FAT2: variants seen among roughly 807,000 people sequenced by gnomAD.
The protein encoded by FAT2 is FAT atypical cadherin 2, also known as protocadherin Fat 2.
Under a neutral mutation model 295.3 loss-of-function variants are expected in FAT2, and 150 were observed. The ratio of observed to expected loss-of-function variants is 0.51; its 90% confidence interval spans 0.44 to 0.58. The LOEUF is 0.58. Ranked by LOEUF, FAT2 falls within the 20% of genes least tolerant of loss-of-function variation. FAT2 has a pLI of 0.00. For missense variants in FAT2, 4,868 were observed against 5,442.7 expected (o/e 0.89, Z 3.32); for synonymous variants, 2,026 against 2,150.3 (o/e 0.94, Z 1.60).
chr5:151,544,977 C>G lies in FAT2; in HGVS notation c.6150G>C (p.Arg2050=). The G allele has an allele frequency of 3.7e-6, 6 of 1,614,106 alleles. No homozygotes were observed. Among genetic ancestry groups the G allele is most frequent in the Non-Finnish European group, 5.1e-6 (6 of 1,179,978 alleles). The change falls in exon 10 of 24, where the codon CGG becomes CGC. Residue 2050 remains arginine, a synonymous_variant. Transcript: ENST00000261800. The part of the protein sequence containing the change: ...VEVRDNRTPQ[R]VAQGLVRVSI... ...AGACTCTGACCAAACCCTGAGCCAC[C>G]CGCTGAGGTGTCCGATTGTCCCTCA...
intron 17 of FAT2, 71 bp from the exon 18 acceptor site, chr5:151,526,036 G>A (rs1753948900): frequency 7.5e-6 from 11 of 1,462,450 alleles, no homozygotes; most frequent in African/African-American, 1.4e-5. Flanking sequence ...ACGTGTCTGG[G>A]TATGTCATCT....
intron 3 of FAT2, among the ~76,000 whole-genome samples, chr5:151,562,365 A>G (rs1758054119): frequency 6.6e-6 from 1 of 152,158 alleles, no homozygotes; most frequent in African/African-American, 2.4e-5. Context: ...CTTCTCTACA[A>G]TAGGATTGTT....
Position 151,512,354 on chromosome 5 carries a change from A to G in FAT2, c.11716T>C (p.Ser3906Pro). The change falls in exon 21 of 24, where the codon TCC (serine) becomes CCC (proline). Residue 3906 changes from serine to proline, a missense_variant. Coordinates refer to ENST00000261800, the MANE Select transcript of FAT2 (RefSeq NM_001447.3). The surrounding 1 kb of genome is among the most constrained non-coding windows in gnomAD (Gnocchi z 4.1). ...TCCAGGCAGCCTTCAAAGCCCTGGG[A>G]GACATTCGAGGAAGAATGCAACAGA... ...LILLHSSSNV[S>P]QGFEGCLDAV... 1 of 1,614,230 alleles carries G rather than the reference A, an allele frequency of 6.2e-7. No individual in the cohort carries two copies. The highest frequency in any genetic ancestry group is 8.5e-7 in the Non-Finnish European group (1 of 1,180,038).
intron 4 of FAT2, among the ~76,000 whole-genome samples, chr5:151,555,858 G>A (rs3846714): frequency 0.093 from 14,078 of 152,184 alleles, 899 homozygotes; most frequent in African/African-American, 0.18. Context: ...CTTCTCTTCT[G>A]ATTTCATTCC....
rs777442528 is a variant in FAT2, at chr5:151,546,233, C to A, written c.4894G>T (p.Ala1632Ser). The change falls in exon 10 of 24, where the codon GCA becomes TCA. Residue 1632 changes from alanine (A) to serine (S), a missense_variant. Physicochemically the swap from Ala to Ser is moderately conservative, Grantham distance 99 (BLOSUM62 1). Transcript: ENST00000261800. ...CATTGTGGGGAGCCTTGATCTTCTG[C>A]CTTCACTGTCAGAGTATGTGGGGCA... ...NHAPHTLTVK[A>S]EDQGSPQWHD... is the part of the protein sequence containing the mutation. The A allele has an allele frequency of 1.2e-6, 2 of 1,614,126 alleles. No homozygotes were observed. Among genetic ancestry groups the A allele is most frequent in the Non-Finnish European group, 8.5e-7 (1 of 1,180,018 alleles).
In FAT2 at chr5:151,512,089, C is replaced by T; in HGVS notation, c.11905+76G>A. On this transcript the variant is annotated intron_variant, in intron 21 of 23. Coordinates refer to ENST00000261800, the MANE Select transcript of FAT2 (RefSeq NM_001447.3). The surrounding 1 kb of genome is among the most constrained non-coding windows in gnomAD (Gnocchi z 4.1). ...TGGAACCAGGAGGCTCTGAGATCTC[C>T]ACCCTGACATGCTTTTCCCACCTGA... is the stretch of plus-strand genomic sequence containing the variant. 6 of 1,415,590 alleles carry T rather than the reference C, an allele frequency of 4.2e-6. No homozygotes were observed. The highest frequency in any genetic ancestry group is 5.8e-6 in the Non-Finnish European group (6 of 1,036,618). 87.7% of individuals were successfully genotyped at this position (1,415,590 alleles called of 1,614,324 possible).
intron 13 of FAT2, among the ~76,000 whole-genome samples, chr5:151,532,417 A>G (rs1347430478): frequency 7.0e-6 from 1 of 143,082 alleles, no homozygotes; most frequent in Non-Finnish European, 1.5e-5. Context: ...ACACACACAC[A>G]CGCAAATGAG....
chr5:151,555,800 G>C (rs1757641944), intron 4 of FAT2, among the ~76,000 whole-genome samples: 1 of 152,186 alleles, frequency 6.6e-6, no homozygotes, highest in Non-Finnish European at 1.5e-5. Context: ...GAGATCATCA[G>C]TGAAGGACAG....
chr5:151,545,535 A>G lies in FAT2; in HGVS notation c.5592T>C (p.Asp1864=). ...RPAQVIIHVR[D]VNDSPPRFSE... is the part of the protein sequence containing the mutation. ...AGAATCTGGGAGGGGAATCATTCAC[A>G]TCTCTGACATGAATGATGACTTGGG... The change falls in exon 10 of 24, where the codon GAT becomes GAC. Residue 1864 remains aspartate (D), a synonymous_variant. Transcript: ENST00000261800. 1 of 1,614,126 alleles carries G rather than the reference A, an allele frequency of 6.2e-7. No individual in the cohort carries two copies. The highest frequency in any genetic ancestry group is 1.6e-4 in the Middle Eastern group (1 of 6,062).
intron 12 of FAT2, among the ~76,000 whole-genome samples, chr5:151,537,348 GAAA>G (rs751635122): frequency 2.2e-3 from 110 of 50,568 alleles, no homozygotes; most frequent in Non-Finnish European, 4.0e-3. Flanking sequence ...GAAAAGAAAA[GAAA>G]AAAGAAGGAA....
intron 21 of FAT2, 127 bp from the exon 22 acceptor site, chr5:151,510,301 G>C (rs1761221500): frequency 2.7e-6 from 3 of 1,125,910 alleles, no homozygotes; most frequent in African/African-American, 1.5e-5. Flanking sequence ...GCTCCCCTCT[G>C]TGCCCAATAC....
intron 6 of FAT2, among the ~76,000 whole-genome samples, chr5:151,552,843 A>G (rs1757340843): frequency 6.6e-6 from 1 of 152,208 alleles, no homozygotes; most frequent in Non-Finnish European, 1.5e-5. Context: ...TGATTTTCAC[A>G]TTGAGGTAGG....
At position 151,544,247 on chromosome 5, in the gene FAT2, G is replaced by A. The variant is rs769194273; in HGVS notation, c.6880C>T (p.Leu2294=). Residue 2294 remains leucine, a synonymous_variant, in exon 10 of 24, where the codon CTG becomes TTG. Coordinates refer to ENST00000261800, the MANE Select transcript of FAT2 (RefSeq NM_001447.3). The part of the protein sequence containing the change: ...GLPAQTPVIQ[L]LASDQDSGRN... The stretch of plus-strand genomic sequence containing the variant: ...CCTGAGTCCTGGTCAGAAGCCAACA[G>A]TTGGATCACAGGGGTCTGAGCAGGC... 7 of 1,614,198 alleles carry A rather than the reference G, an allele frequency of 4.3e-6. No homozygotes were observed. The highest frequency in any genetic ancestry group is 5.9e-6 in the Non-Finnish European group (7 of 1,180,034).
At chr5:151,540,889 A>ATG in intron 10 of FAT2, 126 bp from the exon 11 acceptor site, 7 of 831,326 alleles carry the variant, frequency 8.4e-6, no homozygotes, top group South Asian at 3.8e-5. Context: ...TCCTTCCTTA[A>ATG]CTAGGAACCC....
intron 14 of FAT2, 110 bp from the exon 15 acceptor site, chr5:151,529,502 G>A (rs1253532763): frequency 2.4e-6 from 2 of 828,460 alleles, no homozygotes; most frequent in African/African-American, 3.4e-5. Flanking sequence ...GGCTAGGCAA[G>A]GTAAGTGTCC....
rs138599681 is a variant in FAT2, at chr5:151,565,989, G to A, written c.2943C>T (p.Leu981=). ...TFRVDLMTGA[L]ILERELDFER... Reference sequence around the variant, plus strand: ...CAAAGTCCAGCTCTCTCTCCAGAATGAGCGCCCCTGTCATCAGGTCCACCC... The same window carrying A: ...CAAAGTCCAGCTCTCTCTCCAGAATAAGCGCCCCTGTCATCAGGTCCACCC... Residue 981 remains leucine, a synonymous_variant, in exon 2 of 24, where the codon CTC becomes CTT. Coordinates refer to ENST00000261800, the MANE Select transcript of FAT2 (RefSeq NM_001447.3). The A allele has an allele frequency of 6.8e-6, 11 of 1,613,934 alleles. No homozygotes were observed. Among genetic ancestry groups the A allele is most frequent in the African/African-American group, 6.7e-5 (5 of 74,906 alleles).
chr5:151,591,823 T>A (rs1467679100), upstream of FAT2, among the ~76,000 whole-genome samples: 1 of 152,186 alleles, frequency 6.6e-6, no homozygotes, highest in Non-Finnish European at 1.5e-5. Flanking sequence ...ATGGGGATAA[T>A]AATAGCTCCT....
chr5:151,510,000 G>T, intron 22 of FAT2, 21 bp downstream of exon 22: 1 of 1,613,186 alleles, frequency 6.2e-7, no homozygotes, highest in South Asian at 1.1e-5. Flanking sequence ...GCCCATGGCA[G>T]GTGGCCTCTC....
rs144317397 is a variant in FAT2 at position 151,546,378 on chromosome 5, G to A, written c.4790-41C>T. ...AGACAAACAAGTTTGCCACACCCTC[G>A]ACAGGTATCAGCTAGGCTTTCTAGA... On this transcript the variant is annotated intron_variant, in intron 9 of 23. Coordinates refer to ENST00000261800, the MANE Select transcript of FAT2 (RefSeq NM_001447.3). 4.2e-4 allele frequency: 622 copies of A among 1,486,340 alleles called. 5 individuals carry two copies. The highest frequency in any genetic ancestry group is 1.5e-4 in the African/African-American group (11 of 72,450). The allele number at this position is 1,486,340 out of a possible 1,614,324, so 92.1% of individuals were successfully genotyped here.
Sources: gnomAD v4.1 joint callset for allele counts (sites outside exome capture counted in the v4.1 genomes callset) on GRCh38, gnomAD v4.1.1 for gene constraint, Gnocchi (gnomAD v3.1) non-coding constraint, MANE v1.5 for transcripts, NCBI Gene and HGNC (gene_info 2026-07-23, HGNC 2026-07-21) for gene names.